Variants in FAM162A observed in about 807,000 individuals in gnomAD.
FAM162A encodes protein FAM162A.
In FAM162A, 23 loss-of-function variants were observed where a neutral mutation model predicts 21.8. The ratio of observed to expected loss-of-function variants is 1.05; its 90% CI spans 0.76 to 1.49. The LOEUF is 1.49. FAM162A is among the 40% of genes most tolerant of loss of function. FAM162A has a pLI of 0.00. For missense variants in FAM162A, 165 were observed against 186.4 expected (o/e 0.89, Z 0.67); for synonymous variants, 53 against 61.3 (o/e 0.86, Z 0.64).
intron 1 of FAM162A, among the ~76,000 whole-genome samples, chr3:122,392,934 T>C (rs1017385868): frequency 1.3e-5 from 2 of 152,238 alleles, no homozygotes; most frequent in African/African-American, 2.4e-5. Context: ...TTAGAGAGCC[T>C]GCTGTGTTTC....
rs1265713648 is a variant in FAM162A, at chr3:122,411,590, T to G, written c.*1759T>G. ...TTTTTTTTTTGAGACAGTCTTGCAC[T>G]GTCGCCCAGGCTAGAGTGCAGGGCA... On this transcript the variant is annotated 3_prime_UTR_variant, in exon 5 of 5. Transcript: ENST00000477892. The G allele has an allele frequency of 6.6e-6, 1 of 151,700 alleles. No homozygotes were observed. Among genetic ancestry groups the G allele is most frequent in the Non-Finnish European group, 1.5e-5 (1 of 67,956 alleles). The allele number at this position is 151,700 out of a possible 1,614,324, so 9.4% of individuals were successfully genotyped here. A position where few individuals can be genotyped will look rare whatever the true frequency, so the allele number is the denominator to read the frequency against.
chr3:122,396,332 T>C (rs955590239), intron 1 of FAM162A, among the ~76,000 whole-genome samples: 2 of 151,868 alleles, frequency 1.3e-5, no homozygotes. Flanking sequence ...TAAAAAAAAA[T>C]AGGCAGAGGA....
At chr3:122,394,174 A>G (rs1437462010) in intron 1 of FAM162A, among the ~76,000 whole-genome samples, 1 of 152,186 alleles carries the variant, frequency 6.6e-6, no homozygotes, top group African/African-American at 2.4e-5. Flanking sequence ...TCACGAGGAC[A>G]GCACCAAGAA....
chr3:122,391,112 G>A (rs948194861), intron 1 of FAM162A, among the ~76,000 whole-genome samples: 1 of 152,182 alleles, frequency 6.6e-6, no homozygotes, highest in Admixed American at 6.5e-5. Flanking sequence ...CTTTCATGTT[G>A]TTATAATTGC....
At chr3:122,389,063 T>C (rs184200871) in intron 1 of FAM162A, among the ~76,000 whole-genome samples, 2 of 147,060 alleles carry the variant, frequency 1.4e-5, no homozygotes, top group Non-Finnish European at 3.0e-5. Context: ...AAAAAAAAAA[T>C]GTATTCATAT....
intron 1 of FAM162A, among the ~76,000 whole-genome samples, chr3:122,395,374 C>A (rs1362134098): frequency 2.0e-5 from 3 of 152,156 alleles, no homozygotes; most frequent in Admixed American, 6.5e-5. Context: ...CACACACATA[C>A]CCTGTTAGAC....
At chr3:122,400,211 G>C (rs909485354) in intron 1 of FAM162A, among the ~76,000 whole-genome samples, 2 of 152,188 alleles carry the variant, frequency 1.3e-5, no homozygotes, top group African/African-American at 4.8e-5. Context: ...ATGAGTTCAT[G>C]TCCCTTGCAG....
rs1311524191 is a variant in FAM162A, at chr3:122,410,445, T to C, written c.*614T>C. The C allele has an allele frequency of 2.6e-5, 4 of 153,266 alleles. No individual in the cohort carries two copies. The highest frequency in any genetic ancestry group is 1.9e-4 in the Admixed American group (3 of 15,420). The allele number at this position is 153,266 out of a possible 1,614,324, so 9.5% of individuals were successfully genotyped here. A position where few individuals can be genotyped will look rare whatever the true frequency, so the allele number is the denominator to read the frequency against. ...GCTTGGGGTCAACACAAGTCACCTC[T>C]TAGCTTCATGCCTTAGAATTCTCAA... On this transcript the variant is annotated 3_prime_UTR_variant, in exon 5 of 5. Coordinates refer to ENST00000477892, the MANE Select transcript of FAM162A (RefSeq NM_014367.4).
chr3:122,407,907 T>C (rs1200209657), intron 4 of FAM162A: 1 of 154,026 alleles, frequency 6.5e-6, no homozygotes. Context: ...AATTAATAGC[T>C]ATCACTAATT....
At chr3:122,404,488 C>CAA in intron 3 of FAM162A, 125 bp downstream of exon 3, 1 of 498,910 alleles carries the variant, frequency 2.0e-6, no homozygotes, top group Non-Finnish European at 3.6e-6. Flanking sequence ...TTCACTTTTC[C>CAA]AAATGTTTTA....
At chr3:122,409,494 G>C (rs2075693238) in intron 4 of FAM162A, among the ~76,000 whole-genome samples, 1 of 152,156 alleles carries the variant, frequency 6.6e-6, no homozygotes, top group African/African-American at 2.4e-5. Context: ...CTGAAAGAAA[G>C]GGGCCAGAAG....
rs912055216 is a variant in FAM162A at position 122,384,341 on chromosome 3, C to T, written c.34+42C>T. ...GATATGGGAGGTAGGGGAGCTGGCC[C>T]GGCCGCTGCGGGTGGGGGAATCCTG... On this transcript the variant is annotated intron_variant, in intron 1 of 4. Coordinates refer to ENST00000477892, the MANE Select transcript of FAM162A (RefSeq NM_014367.4). 9.6e-6 allele frequency: 15 copies of T among 1,558,070 alleles called. No individual in the cohort carries two copies. In the South Asian group the frequency reaches 1.3e-4, roughly 14 times the overall value.
intron 1 of FAM162A, among the ~76,000 whole-genome samples, chr3:122,398,300 TA>T (rs554752482): frequency 1.1e-4 from 16 of 147,686 alleles, no homozygotes; most frequent in South Asian, 4.3e-4. Context: ...CATTGTCTGC[TA>T]AAAAAAAAAG....
At chr3:122,396,990 T>G (rs2075631548) in intron 1 of FAM162A, among the ~76,000 whole-genome samples, 1 of 152,160 alleles carries the variant, frequency 6.6e-6, no homozygotes, top group Non-Finnish European at 1.5e-5. Flanking sequence ...GTATTCAGGA[T>G]TTCTTTCTGG....
chr3:122,390,604 C>T (rs2075598313), intron 1 of FAM162A, among the ~76,000 whole-genome samples: 1 of 152,212 alleles, frequency 6.6e-6, no homozygotes, highest in Admixed American at 6.5e-5. Flanking sequence ...CAGCCTCACC[C>T]TGGCTGACCA....
At chr3:122,400,138 G>A (rs1402418466) in intron 1 of FAM162A, among the ~76,000 whole-genome samples, 2 of 151,740 alleles carry the variant, frequency 1.3e-5, no homozygotes, top group Admixed American at 6.6e-5. Context: ...GCCCATCAGC[G>A]ATAGAGTGGA....
At chr3:122,390,004 G>A (rs1576246976) in intron 1 of FAM162A, among the ~76,000 whole-genome samples, 1 of 152,102 alleles carries the variant, frequency 6.6e-6, no homozygotes, top group East Asian at 1.9e-4. Context: ...TAGACATGGT[G>A]GCATCTGCCT....
intron 4 of FAM162A, 28 bp from the exon 5 acceptor site, chr3:122,409,711 T>C: frequency 6.2e-7 from 1 of 1,604,784 alleles, no homozygotes; most frequent in Middle Eastern, 1.7e-4. Context: ...AGCATACAAA[T>C]CACCTGTTCA....
At chr3:122,403,152 T>C (rs1182380329) in intron 2 of FAM162A, among the ~76,000 whole-genome samples, 5 of 151,734 alleles carry the variant, frequency 3.3e-5, no homozygotes, top group Non-Finnish European at 7.4e-5. Context: ...GTTTTACTCA[T>C]ACGTAGGCCC....
Sources: gnomAD v4.1 joint callset for allele counts (sites outside exome capture counted in the v4.1 genomes callset) on GRCh38, gnomAD v4.1.1 for gene constraint, MANE v1.5 for transcripts, NCBI Gene and HGNC (gene_info 2026-07-23, HGNC 2026-07-21) for gene names.